The following SFMBT1 variants were observed in gnomAD, a reference collection of about 807,000 sequenced individuals.
SFMBT1 encodes Scm like with four mbt domains 1.
SFMBT1 carries 32 observed loss-of-function variants against 108.7 expected under a neutral mutation model. The ratio of observed to expected loss-of-function variants is 0.29; its 90% CI spans 0.22 to 0.40. The LOEUF is 0.40. Among genes scored for constraint, SFMBT1 ranks in the 10% least tolerant of loss-of-function variants. SFMBT1 has a pLI of 1.00. For synonymous variants in SFMBT1, 348 were observed against 369.5 expected (o/e 0.94, Z 0.67); for missense variants, 816 against 1,059.6 (o/e 0.77, Z 3.19).
rs146142057 is a variant in SFMBT1, at chr3:53,032,258, T to C, written c.-131+13558A>G. Among the ~76,000 whole-genome samples, 595 of 152,336 alleles carry C rather than the reference T, an allele frequency of 3.9e-3. 3 individuals are homozygous for C. The highest frequency in any genetic ancestry group is 0.014 in the African/African-American group (565 of 41,566). ...GGTGGTACATGCCTATGGTTCCAGCTACTTGGGAGGCTGATGTGGGAGGAT... is the reference window on the plus strand; with the variant it reads ...GGTGGTACATGCCTATGGTTCCAGCCACTTGGGAGGCTGATGTGGGAGGAT... On this transcript the variant is annotated intron_variant, in intron 1 of 20. Transcript: ENST00000394752.
chr3:52,958,622 A>T (rs1248258750), intron 2 of SFMBT1, among the ~76,000 whole-genome samples: 1 of 152,088 alleles, frequency 6.6e-6, no homozygotes, highest in Non-Finnish European at 1.5e-5. Flanking sequence ...AAAGTCAAGA[A>T]ACAACAGATG....
intron 1 of SFMBT1, among the ~76,000 whole-genome samples, chr3:52,998,742 T>C (rs1178824587): frequency 6.6e-6 from 1 of 150,668 alleles, no homozygotes; most frequent in Admixed American, 6.7e-5. Flanking sequence ...CCGGGTCCTG[T>C]GGGCGTATCA....
rs1370149785 is a variant in SFMBT1 at position 52,951,192 on chromosome 3, A to C, written c.123+3125T>G. 1.1e-3 allele frequency among the ~76,000 whole-genome samples: 146 copies of C among 130,442 alleles called. 1 individual carries two copies. The highest frequency in any genetic ancestry group is 3.7e-3 in the Middle Eastern group (1 of 272). 85.6% of individuals were successfully genotyped at this position (130,442 alleles called of 152,430 possible). ...TCCTTCTCCAAAAAAAAAAAAAAAA[A>C]CACACATTCCTTCTCTAACACTCTT... On this transcript the variant is annotated intron_variant, in intron 3 of 20. Coordinates refer to ENST00000394752, the MANE Select transcript of SFMBT1 (RefSeq NM_016329.4).
intron 10 of SFMBT1, among the ~76,000 whole-genome samples, chr3:52,925,047 C>A (rs954219515): frequency 1.2e-4 from 18 of 152,000 alleles, no homozygotes; most frequent in African/African-American, 4.1e-4. Flanking sequence ...ATGGTGAAAC[C>A]TCATCTCTAC....
chr3:52,970,901 A>G (rs1228128276), intron 1 of SFMBT1, among the ~76,000 whole-genome samples: 1 of 152,204 alleles, frequency 6.6e-6, no homozygotes, highest in Non-Finnish European at 1.5e-5. Flanking sequence ...TGGGAGGCCA[A>G]GGCGGGCAGA....
At chr3:52,954,676 C>T (rs1241006143) in intron 2 of SFMBT1, among the ~76,000 whole-genome samples, 1 of 152,028 alleles carries the variant, frequency 6.6e-6, no homozygotes, top group Non-Finnish European at 1.5e-5. Flanking sequence ...TAGAGTTCAC[C>T]CAAATGGATC....
At chr3:52,906,590 G>C (rs1160826789) in intron 19 of SFMBT1, among the ~76,000 whole-genome samples, 1 of 152,088 alleles carries the variant, frequency 6.6e-6, no homozygotes, top group African/African-American at 2.4e-5. Context: ...TCTGTTCATG[G>C]AATATTCTTA....
chr3:53,043,437 A>C (rs1446117764), intron 1 of SFMBT1, among the ~76,000 whole-genome samples: 1 of 152,214 alleles, frequency 6.6e-6, no homozygotes, highest in African/African-American at 2.4e-5. Flanking sequence ...AAGGTTGTTA[A>C]AGCTTTACGC....
intron 1 of SFMBT1, among the ~76,000 whole-genome samples, chr3:52,975,974 G>A (rs572215007): frequency 2.1e-4 from 32 of 152,012 alleles, no homozygotes; most frequent in African/African-American, 6.7e-4. Flanking sequence ...TCATGCCGCC[G>A]CACTCCAACC....
At chr3:52,919,679 C>A (rs548669913) in intron 12 of SFMBT1, among the ~76,000 whole-genome samples, 3 of 152,332 alleles carry the variant, frequency 2.0e-5, no homozygotes, top group South Asian at 2.1e-4. Context: ...TGGCTTCCAT[C>A]TTCCTCAACC....
At chr3:52,993,055 T>G (rs1382718747) in intron 1 of SFMBT1, among the ~76,000 whole-genome samples, 4 of 152,216 alleles carry the variant, frequency 2.6e-5, no homozygotes, top group Admixed American at 6.5e-5. Flanking sequence ...ACCAAATTAT[T>G]TAAAGATTTC....
intron 1 of SFMBT1, among the ~76,000 whole-genome samples, chr3:52,975,994 G>C (rs1163247655): frequency 1.3e-5 from 2 of 152,150 alleles, no homozygotes; most frequent in East Asian, 1.9e-4. Flanking sequence ...CTGGGTGATA[G>C]AGCAAGACTG....
intron 1 of SFMBT1, among the ~76,000 whole-genome samples, chr3:52,997,622 T>C (rs2564962): frequency 0.31 from 45,799 of 149,932 alleles, 9,693 homozygotes; most frequent in East Asian, 0.52. Context: ...AAAAACTTCA[T>C]GCTATATGAA....
chr3:53,038,240 T>TCC (rs1559559221), intron 1 of SFMBT1, among the ~76,000 whole-genome samples: 1 of 152,144 alleles, frequency 6.6e-6, no homozygotes, highest in Non-Finnish European at 1.5e-5. Flanking sequence ...ACCCTGTATC[T>TCC]CCTCCCCTAA....
intron 1 of SFMBT1, among the ~76,000 whole-genome samples, chr3:52,980,109 C>T (rs770707572): frequency 6.6e-6 from 1 of 152,042 alleles, no homozygotes; most frequent in African/African-American, 2.4e-5. Flanking sequence ...CTTTTATATA[C>T]AAATCTATTA....
At chr3:52,932,438 G>A in intron 5 of SFMBT1, 130 bp from the exon 6 acceptor site, 1 of 837,618 alleles carries the variant, frequency 1.2e-6, no homozygotes, top group Non-Finnish European at 1.8e-6. Context: ...ACACTAAATT[G>A]TCTATCATCA....
intron 1 of SFMBT1, among the ~76,000 whole-genome samples, chr3:53,039,136 T>C (rs1699955624): frequency 6.6e-6 from 1 of 152,202 alleles, no homozygotes; most frequent in South Asian, 2.1e-4. Context: ...GTGCCCAAAC[T>C]GTATCTAAGG....
At chr3:53,021,778 C>A (rs533995501) in intron 1 of SFMBT1, among the ~76,000 whole-genome samples, 1 of 152,162 alleles carries the variant, frequency 6.6e-6, no homozygotes, top group South Asian at 2.1e-4. Flanking sequence ...AAAACAGCAA[C>A]CGCAGGGAGA....
At chr3:52,921,111 A>G (rs1702508045) in intron 11 of SFMBT1, among the ~76,000 whole-genome samples, 1 of 152,206 alleles carries the variant, frequency 6.6e-6, no homozygotes. Flanking sequence ...GGATTGCATA[A>G]AAGTCTACAT....
Sources: gnomAD v4.1 joint callset for allele counts (sites outside exome capture counted in the v4.1 genomes callset) on GRCh38, gnomAD v4.1.1 for gene constraint, MANE v1.5 for transcripts, NCBI Gene and HGNC (gene_info 2026-07-23, HGNC 2026-07-21) for gene names.